CBFB: variants seen among roughly 807,000 people sequenced by gnomAD.
CBFB encodes CBF-beta.
CBFB carries 9 observed loss-of-function variants against 30.4 expected under a neutral mutation model. The observed-to-expected ratio is 0.30, with a 90% CI of 0.18 to 0.52. CBFB has a LOEUF of 0.52. CBFB is among the 20% of genes least tolerant of loss of function. The pLI is 0.97. For missense variants in CBFB, 170 were observed against 244.0 expected, an observed-to-expected ratio of 0.70 and a Z score of 2.02; for synonymous variants, 94 against 84.0, an observed-to-expected ratio of 1.12 and a Z score of -0.65.
intron 4 of CBFB, among the ~76,000 whole-genome samples, chr16:67,079,970 C>G (rs952967550): frequency 6.6e-6 from 1 of 152,110 alleles, no homozygotes; most frequent in Admixed American, 6.6e-5. Context: ...TGATGATGCT[C>G]ACCTGTAGTC....
At chr16:67,064,079 C>T (rs1281316878) in intron 3 of CBFB, among the ~76,000 whole-genome samples, 2 of 152,174 alleles carry the variant, frequency 1.3e-5, no homozygotes, top group Admixed American at 1.3e-4. Context: ...GGTTTGAAAA[C>T]TCACTGAAGA....
chr16:67,032,400 G>A (rs1181298944), intron 2 of CBFB, among the ~76,000 whole-genome samples: 2 of 152,154 alleles, frequency 1.3e-5, no homozygotes. Flanking sequence ...GGTTAAAGAA[G>A]GTAGATTGAA....
intron 4 of CBFB, among the ~76,000 whole-genome samples, chr16:67,077,215 A>G (rs1161217489): frequency 1.3e-5 from 2 of 152,194 alleles, no homozygotes; most frequent in Non-Finnish European, 2.9e-5. Context: ...ACAAAACAAT[A>G]TTTCACGTTC....
intron 4 of CBFB, among the ~76,000 whole-genome samples, chr16:67,079,005 A>T (rs549001116): frequency 4.6e-5 from 7 of 152,252 alleles, no homozygotes; most frequent in African/African-American, 1.7e-4. Context: ...GTTGATACCT[A>T]AGTGCATAGA....
chr16:67,052,793 C>T (rs1167029910), intron 3 of CBFB, among the ~76,000 whole-genome samples: 3 of 151,940 alleles, frequency 2.0e-5, no homozygotes, highest in Non-Finnish European at 4.4e-5. Context: ...GAGACCCCAT[C>T]TCTACAAAAA....
intron 3 of CBFB, among the ~76,000 whole-genome samples, chr16:67,041,852 G>A (rs933713619): frequency 1.4e-5 from 2 of 139,406 alleles, no homozygotes; most frequent in African/African-American, 5.4e-5. Flanking sequence ...ATAGTTCACT[G>A]TAACCTCAAA....
At chr16:67,054,930 A>AT (rs751572190) in intron 3 of CBFB, among the ~76,000 whole-genome samples, 20,759 of 122,696 alleles carry the variant, frequency 0.17, 3,517 homozygotes, top group African/African-American at 0.46. Context: ...AATTTTTTGT[A>AT]TTTTTTTTTT....
intron 5 of CBFB, among the ~76,000 whole-genome samples, chr16:67,086,596 C>G (rs1313130858): frequency 6.6e-6 from 1 of 152,142 alleles, no homozygotes; most frequent in Non-Finnish European, 1.5e-5. Context: ...TGTCTGAAAA[C>G]TAGAATTATA....
chr16:67,080,203 C>T (rs568957685), intron 4 of CBFB, among the ~76,000 whole-genome samples: 1 of 152,150 alleles, frequency 6.6e-6, no homozygotes, highest in East Asian at 1.9e-4. Flanking sequence ...GCATTGTAGT[C>T]AGATTGTGCT....
intron 3 of CBFB, among the ~76,000 whole-genome samples, chr16:67,038,908 A>T (rs1484755978): frequency 6.6e-6 from 1 of 152,224 alleles, no homozygotes; most frequent in African/African-American, 2.4e-5. Context: ...TCTACCAGAA[A>T]TTAAGTTTGC....
intron 3 of CBFB, among the ~76,000 whole-genome samples, chr16:67,050,196 T>C (rs967019463): frequency 2.0e-5 from 3 of 147,852 alleles, no homozygotes; most frequent in Admixed American, 6.8e-5. Context: ...ATATATATAA[T>C]ATATGTTATA....
intron 5 of CBFB, among the ~76,000 whole-genome samples, chr16:67,098,111 G>A (rs565317168): frequency 4.8e-4 from 70 of 146,134 alleles, no homozygotes; most frequent in African/African-American, 1.8e-3. Flanking sequence ...TTGTTGTGGG[G>A]TTTTTTGTTT....
At chr16:67,042,924 CAG>C (rs974759725) in intron 3 of CBFB, among the ~76,000 whole-genome samples, 5 of 152,032 alleles carry the variant, frequency 3.3e-5, no homozygotes, top group Admixed American at 3.3e-4. Context: ...TTAGTAGAGA[CAG>C]GGTTTCACCA....
Position 67,080,686 on chromosome 16 carries a change from T to G in CBFB, c.400-1527T>G, listed in dbSNP as rs1294592929. On this transcript the variant is annotated intron_variant, in intron 4 of 5. Coordinates refer to ENST00000412916, the MANE Select transcript of CBFB (RefSeq NM_022845.3). ...TTTCCCTTGAGATTTTATTTGCTTT[T>G]TGTTGTCCAGAAGTTTCCAACATTT... is the stretch of plus-strand genomic sequence containing the variant. 2.0e-5 allele frequency among the ~76,000 whole-genome samples: 3 copies of G among 152,236 alleles called. No individual in the cohort carries two copies. The East Asian group carries it at 5.8e-4, about 29-fold the overall frequency.
intron 4 of CBFB, among the ~76,000 whole-genome samples, chr16:67,074,859 G>A (rs1226725040): frequency 6.6e-6 from 1 of 152,076 alleles, no homozygotes; most frequent in African/African-American, 2.4e-5. Context: ...AAGGCAACCT[G>A]AACAGTGGTG....
At position 67,036,749 on chromosome 16, in the gene CBFB, A is replaced by G. The variant is rs1429073797; in HGVS notation, c.276A>G (p.Ala92=). The change falls in exon 3 of 6, where the codon GCA becomes GCG. Residue 92 remains alanine, a synonymous_variant. Transcript: ENST00000412916. ...AGTATGTCGACTTAGAAAGAGAAGC[A>G]GGCAAGGTAGGAAACATTTCTTTGC... The part of the protein sequence containing the change: ...SREYVDLERE[A]GKVYLKAPMI... The G allele has an allele frequency of 2.5e-6, 4 of 1,573,280 alleles. No individual in the cohort carries two copies. The highest frequency in any genetic ancestry group is 3.5e-6 in the Non-Finnish European group (4 of 1,142,844).
At chr16:67,092,163 T>C (rs554694100) in intron 5 of CBFB, among the ~76,000 whole-genome samples, 49 of 152,238 alleles carry the variant, frequency 3.2e-4, no homozygotes, top group African/African-American at 8.9e-4. Context: ...CTCCCACTTA[T>C]GAGTGTGAGC....
At chr16:67,078,693 G>C (rs575186771) in intron 4 of CBFB, among the ~76,000 whole-genome samples, 1 of 152,256 alleles carries the variant, frequency 6.6e-6, no homozygotes, top group South Asian at 2.1e-4. Flanking sequence ...TTGTTGCCCA[G>C]GCTGGAGTGC....
At chr16:67,057,733 C>T (rs1470301453) in intron 3 of CBFB, among the ~76,000 whole-genome samples, 2 of 151,900 alleles carry the variant, frequency 1.3e-5, no homozygotes, top group African/African-American at 4.8e-5. Flanking sequence ...CATGGTTAGC[C>T]AGTTTTTTCA....
Sources: gnomAD v4.1 joint callset for allele counts (sites outside exome capture counted in the v4.1 genomes callset) on GRCh38, gnomAD v4.1.1 for gene constraint, MANE v1.5 for transcripts, NCBI Gene and HGNC (gene_info 2026-07-23, HGNC 2026-07-21) for gene names.